ENAM: variants seen among roughly 807,000 people sequenced by gnomAD.
The protein encoded by ENAM is amelogenesis imperfecta 2, hypocalcification (autosomal dominant).
ENAM carries 21 observed loss-of-function variants against 33.6 expected under a neutral mutation model. The ratio of observed to expected loss-of-function variants is 0.63; its 90% confidence interval spans 0.44 to 0.90. The LOEUF is 0.90. Among genes scored for constraint, ENAM ranks in the 40% least tolerant of loss-of-function variants. The pLI is 0.00. For synonymous variants in ENAM, 473 were observed against 468.4 expected (o/e 1.01, Z -0.13); for missense variants, 1,388 against 1,366.9 (o/e 1.02, Z -0.24).
intron 6 of ENAM, 22 bp from the exon 7 acceptor site, chr4:70,635,810 C>G (rs1295157745): frequency 6.7e-7 from 1 of 1,501,474 alleles, no homozygotes; most frequent in Non-Finnish European, 9.3e-7. Flanking sequence ...CCACATCACT[C>G]TGATTCTTTC....
chr4:70,640,632 T>C (rs1738573992), intron 8 of ENAM, among the ~76,000 whole-genome samples: 1 of 152,180 alleles, frequency 6.6e-6, no homozygotes, highest in Non-Finnish European at 1.5e-5. Flanking sequence ...GGCACTGAGC[T>C]GTACTTATTT....
In ENAM at chr4:70,643,794, G is replaced by A. The variant is rs907744141; in HGVS notation, c.2368G>A (p.Ala790Thr). The part of the protein sequence containing the change: ...PYFNRNIWDQ[A>T]THLQKAPARP... The stretch of plus-strand genomic sequence containing the variant: ...TTTTAACAGAAATATCTGGGATCAG[G>A]CAACACATTTACAAAAAGCCCCAGC... The change falls in exon 9 of 9, where the codon GCA (alanine) becomes ACA (threonine). Residue 790 changes from alanine to threonine, a missense_variant. By Grantham distance (58) the Ala-to-Thr change is moderately conservative (BLOSUM62 0). Coordinates refer to ENST00000396073, the MANE Select transcript of ENAM (RefSeq NM_031889.3). 4 of 1,614,072 alleles carry A rather than the reference G, an allele frequency of 2.5e-6. No homozygotes were observed. Among genetic ancestry groups the A allele is most frequent in the East Asian group, 2.2e-5 (1 of 44,862 alleles).
Position 70,642,467 on chromosome 4 carries a change from G to A in ENAM, c.1041G>A (p.Arg347=), listed in dbSNP as rs745986328. ...CTGTCATGGGGCACAGACAGAATAGGCCTTTTTACAGAAATCAACAAGTTC... is the reference window on the plus strand; with the variant it reads ...CTGTCATGGGGCACAGACAGAATAGACCTTTTTACAGAAATCAACAAGTTC... ...TGTVMGHRQN[R]PFYRNQQVQR... The change falls in exon 9 of 9, where the codon AGG becomes AGA. Residue 347 remains arginine (R), a synonymous_variant. Transcript: ENST00000396073. 4.3e-6 allele frequency: 7 copies of A among 1,614,046 alleles called. No homozygotes were observed. The highest frequency in any genetic ancestry group is 3.3e-5 in the Admixed American group (2 of 60,006).
rs751569022 is a variant in ENAM, at chr4:70,642,653, T to C, written c.1227T>C (p.Asn409=). 47 of 1,613,458 alleles carry C rather than the reference T, an allele frequency of 2.9e-5. No individual in the cohort carries two copies. The Admixed American group carries it at 7.5e-4, about 26-fold the overall frequency. Reference sequence around the variant, plus strand: ...TCAGAAGAAAGCCTCAGGGGCCAAATAAACACCCTGTAGGAACTACTGTTG... The same window carrying C: ...TCAGAAGAAAGCCTCAGGGGCCAAACAAACACCCTGTAGGAACTACTGTTG... ...ANLRRKPQGP[N]KHPVGTTVAP... is the part of the protein sequence containing the mutation. The change falls in exon 9 of 9, where the codon AAT becomes AAC. Residue 409 remains asparagine (N), a synonymous_variant. Coordinates refer to ENST00000396073, the MANE Select transcript of ENAM (RefSeq NM_031889.3).
At position 70,643,832 on chromosome 4, in the gene ENAM, C is replaced by T. The variant is rs1738679653; in HGVS notation, c.2406C>T (p.Asp802=). The T allele has an allele frequency of 1.2e-6, 2 of 1,614,058 alleles. No individual in the cohort carries two copies. The highest frequency in any genetic ancestry group is 1.3e-5 in the African/African-American group (1 of 74,920). The change falls in exon 9 of 9, where the codon GAC becomes GAT. Residue 802 remains aspartate (D), a synonymous_variant. Transcript: ENST00000396073. ...AAAAAGCCCCAGCTAGGCCACCAGA[C>T]CAGAAAGGTAACCAGCCCTATTACA... The part of the protein sequence containing the change: ...HLQKAPARPP[D]QKGNQPYYSN...
At chr4:70,641,136 A>C (rs1411741280) in intron 8 of ENAM, among the ~76,000 whole-genome samples, 1 of 152,170 alleles carries the variant, frequency 6.6e-6, no homozygotes, top group African/African-American at 2.4e-5. Context: ...ATAGTGGTGA[A>C]TGTTGCTTAA....
At position 70,642,109 on chromosome 4, in the gene ENAM, A is replaced by G; in HGVS notation, c.683A>G (p.Lys228Arg). ...EMFEQDFEKPKEEDPPKAESP... is the reference protein window; with the variant it reads ...EMFEQDFEKPREEDPPKAESP... ...TTTGAACAAGATTTTGAAAAACCCA[A>G]AGAAGAAGATCCTCCTAAAGCAGAA... The change falls in exon 9 of 9, where the codon AAA becomes AGA. Residue 228 changes from lysine to arginine, a missense_variant. Transcript: ENST00000396073. 3 of 1,614,082 alleles carry G rather than the reference A, an allele frequency of 1.9e-6. No homozygotes were observed. The highest frequency in any genetic ancestry group is 1.3e-5 in the African/African-American group (1 of 75,040).
intron 2 of ENAM, 69 bp downstream of exon 2, chr4:70,629,623 T>G: frequency 8.8e-7 from 1 of 1,131,760 alleles, no homozygotes; most frequent in African/African-American, 1.5e-5. Flanking sequence ...GAAATACACT[T>G]GAGAGGGCCA....
At chr4:70,638,600 G>A (rs1354196095) in intron 8 of ENAM, among the ~76,000 whole-genome samples, 1 of 150,578 alleles carries the variant, frequency 6.6e-6, no homozygotes, top group South Asian at 2.1e-4. Context: ...GGCATTACCT[G>A]CTCTAAGAGG....
At chr4:70,641,414 G>A (rs868355990) in intron 8 of ENAM, among the ~76,000 whole-genome samples, 1 of 135,174 alleles carries the variant, frequency 7.4e-6, no homozygotes, top group African/African-American at 2.8e-5. Flanking sequence ...TTTTTGAGAT[G>A]GAGTCTCGCT....
chr4:70,641,993 A>G, intron 8 of ENAM, 22 bp from the exon 9 acceptor site: 1 of 1,586,616 alleles, frequency 6.3e-7, no homozygotes, highest in Non-Finnish European at 8.7e-7. Context: ...GCAATTATTG[A>G]TTTCCATTTT....
chr4:70,630,030 A>G (rs1023860497), intron 2 of ENAM, among the ~76,000 whole-genome samples: 1 of 152,162 alleles, frequency 6.6e-6, no homozygotes, highest in Admixed American at 6.5e-5. Flanking sequence ...TATTCTCTTT[A>G]TTAGTTTCCA....
intron 8 of ENAM, among the ~76,000 whole-genome samples, chr4:70,638,217 C>T (rs146826133): frequency 1.2e-4 from 19 of 152,254 alleles, no homozygotes; most frequent in African/African-American, 4.3e-4. Context: ...TCTTCTGTTA[C>T]TCTGCTCAAT....
In ENAM at chr4:70,644,558, G is replaced by T. The variant is rs755867673; in HGVS notation, c.3132G>T (p.Arg1044Ser). 1.1e-5 allele frequency: 18 copies of T among 1,613,370 alleles called. No homozygotes were observed. Among genetic ancestry groups the T allele is most frequent in the Admixed American group, 3.3e-5 (2 of 59,932 alleles). The change falls in exon 9 of 9, where the codon AGG becomes AGT. Residue 1044 changes from arginine to serine, a missense_variant. Physicochemically the swap from Arg to Ser is moderately radical, Grantham distance 110 (BLOSUM62 -1). Coordinates refer to ENST00000396073, the MANE Select transcript of ENAM (RefSeq NM_031889.3). ...QSQVQENESE[R>S]QQQRPSNILH... ...AAGTCCAAGAAAATGAGAGTGAGAG[G>T]CAACAGCAAAGACCATCTAACATTC...
intron 2 of ENAM, among the ~76,000 whole-genome samples, chr4:70,630,260 C>G (rs1045818340): frequency 2.0e-5 from 3 of 152,060 alleles, no homozygotes; most frequent in South Asian, 2.1e-4. Context: ...AATGCTAAAG[C>G]GTCATTTATG....
chr4:70,636,952 A>T (rs745610557), intron 7 of ENAM, among the ~76,000 whole-genome samples: 54 of 152,242 alleles, frequency 3.5e-4, no homozygotes, highest in Non-Finnish European at 6.6e-4. Flanking sequence ...CTAAACAAAC[A>T]AAACAACAGG....
At chr4:70,635,689 C>T (rs529695415) in intron 6 of ENAM, 143 bp from the exon 7 acceptor site, 50 of 653,608 alleles carry the variant, frequency 7.6e-5, no homozygotes, top group African/African-American at 1.4e-4. Context: ...TTATCATTAT[C>T]GTCTTTGCCC....
rs1182536558 is a variant in ENAM at position 70,643,594 on chromosome 4, G to A, written c.2168G>A (p.Ser723Asn). 22 of 1,614,020 alleles carry A rather than the reference G, an allele frequency of 1.4e-5. No individual in the cohort carries two copies. The highest frequency in any genetic ancestry group is 1.8e-5 in the Non-Finnish European group (21 of 1,180,008). The change falls in exon 9 of 9, where the codon AGC becomes AAC. Residue 723 changes from serine to asparagine, a missense_variant. By Grantham distance (46) the Ser-to-Asn change is conservative. Transcript: ENST00000396073. ...DFYYSEFYPWSPDENFPSYNT... is the reference protein window; with the variant it reads ...DFYYSEFYPWNPDENFPSYNT... ...TATTACAGTGAATTTTACCCATGGA[G>A]CCCGGATGAGAATTTTCCATCATAT...
At position 70,646,055 on chromosome 4, in the gene ENAM, A is replaced by C. The variant is rs545198699; in HGVS notation, c.*1200A>C. 9 of 149,322 alleles carry C rather than the reference A, an allele frequency of 6.0e-5. No individual in the cohort carries two copies. The highest frequency in any genetic ancestry group is 1.0e-4 in the African/African-American group (4 of 39,668). The allele number at this position is 149,322 out of a possible 1,614,324, so 9.2% of individuals were successfully genotyped here. ...TGTCTTAAATAAAAACTCAATGTTTAGTTGTTTTTTTTTTTTTTTACTAGT... is the reference window on the plus strand; with the variant it reads ...TGTCTTAAATAAAAACTCAATGTTTCGTTGTTTTTTTTTTTTTTTACTAGT... On this transcript the variant is annotated 3_prime_UTR_variant, in exon 9 of 9. Coordinates refer to ENST00000396073, the MANE Select transcript of ENAM (RefSeq NM_031889.3).
Sources: allele counts gnomAD v4.1 joint callset (sites outside exome capture counted in the v4.1 genomes callset), GRCh38; gene constraint gnomAD v4.1.1; transcripts MANE v1.5; gene names NCBI Gene and HGNC (gene_info 2026-07-23, HGNC 2026-07-21).